The following ZBTB20 variants were observed in gnomAD, a reference collection of about 807,000 sequenced individuals.
ZBTB20 encodes the protein zinc finger and BTB domain-containing protein 20.
ZBTB20 carries 9 observed loss-of-function variants against 56.9 expected under a neutral mutation model. That is an observed-to-expected ratio of 0.16 (90% confidence interval 0.10 to 0.28). The LOEUF (loss-of-function observed/expected upper bound fraction) is 0.28, where lower values mean the gene tolerates loss of function less well. Among genes scored for constraint, ZBTB20 ranks in the 10% least tolerant of loss-of-function variants. ZBTB20 has a pLI of 1.00. For synonymous variants in ZBTB20, 417 were observed against 420.7 expected (o/e 0.99, Z 0.11); for missense variants, 655 against 1,003.0 (o/e 0.65, Z 4.69).
At chr3:114,564,309 TACTC>T (rs2052458490) in intron 6 of ZBTB20, among the ~76,000 whole-genome samples, 1 of 152,084 alleles carries the variant, frequency 6.6e-6, no homozygotes, top group Non-Finnish European at 1.5e-5. Flanking sequence ...TAAGGCAACA[TACTC>T]ACAGGTTCTG....
At chr3:115,026,634 A>G (rs1043035544) in intron 2 of ZBTB20, among the ~76,000 whole-genome samples, 1 of 150,148 alleles carries the variant, frequency 6.7e-6, no homozygotes, top group Non-Finnish European at 1.5e-5. Context: ...TACAATTATC[A>G]TTTTTCTCTG....
In ZBTB20 at chr3:114,717,857, GCTTC is replaced by G. The variant is rs1306417675; in HGVS notation, c.-342-24286_-342-24283del. On this transcript the variant is annotated intron_variant, in intron 5 of 11. Transcript: ENST00000675478. ...TTGCAACAATTTAACACGGATAACC[GCTTC>G]TTTTCCTCCTCGAAACTGTAATATC... is the stretch of plus-strand genomic sequence containing the variant. Among the ~76,000 whole-genome samples, 287 of 152,118 alleles carry G rather than the reference GCTTC, an allele frequency of 1.9e-3. 2 individuals are homozygous for G. Among genetic ancestry groups the G allele is most frequent in the African/African-American group, 6.2e-3 (256 of 41,514 alleles).
intron 5 of ZBTB20, among the ~76,000 whole-genome samples, chr3:114,776,290 T>C (rs943972936): frequency 6.6e-6 from 1 of 152,006 alleles, no homozygotes; most frequent in African/African-American, 2.4e-5. Context: ...GCAGGTATAA[T>C]TAAATTAAGA....
intron 10 of ZBTB20, among the ~76,000 whole-genome samples, chr3:114,369,402 T>C (rs956619417): frequency 6.6e-6 from 1 of 152,236 alleles, no homozygotes; most frequent in African/African-American, 2.4e-5. Context: ...ACATCAACTA[T>C]AAATTCATTT....
Position 114,333,340 on chromosome 3 carries a change from A to G in ZBTB20, c.*5665T>C, listed in dbSNP as rs939404200. 3.9e-5 allele frequency: 6 copies of G among 152,208 alleles called. No homozygotes were observed. The highest frequency in any genetic ancestry group is 3.3e-4 in the Admixed American group (5 of 15,280). 9.4% of individuals were successfully genotyped at this position (152,208 alleles called of 1,614,324 possible). ...TTCCGTGCCCCTTTTCTGCCTCTGTATGTAGCCTGAGCACCAGGGTAGAGA... is the reference window on the plus strand; with the variant it reads ...TTCCGTGCCCCTTTTCTGCCTCTGTGTGTAGCCTGAGCACCAGGGTAGAGA... On this transcript the variant is annotated 3_prime_UTR_variant, in exon 12 of 12. Transcript: ENST00000675478.
At chr3:115,084,615 TAAGA>T (rs1275332485) in intron 1 of ZBTB20, among the ~76,000 whole-genome samples, 2 of 152,026 alleles carry the variant, frequency 1.3e-5, no homozygotes, top group Admixed American at 6.6e-5. Context: ...TACTTTGCAT[TAAGA>T]TAGATCCCTA....
chr3:114,673,712 T>C (rs906416877), intron 6 of ZBTB20, among the ~76,000 whole-genome samples: 34 of 152,196 alleles, frequency 2.2e-4, no homozygotes, highest in African/African-American at 8.0e-4. Flanking sequence ...CCTGAGGTTT[T>C]GTACACTTTG....
intron 7 of ZBTB20, among the ~76,000 whole-genome samples, chr3:114,474,733 G>A (rs2040545727): frequency 6.6e-6 from 1 of 152,210 alleles, no homozygotes; most frequent in South Asian, 2.1e-4. Flanking sequence ...GATGTGTTTG[G>A]TGTCTTCCTC....
At chr3:114,855,782 C>T (rs1313883527) in intron 4 of ZBTB20, among the ~76,000 whole-genome samples, 1 of 152,162 alleles carries the variant, frequency 6.6e-6, no homozygotes, top group Non-Finnish European at 1.5e-5. Flanking sequence ...CCTCCTTAGC[C>T]AAATGAACCT....
chr3:114,960,805 C>G (rs964870248), intron 3 of ZBTB20, among the ~76,000 whole-genome samples: 1 of 151,858 alleles, frequency 6.6e-6, no homozygotes, highest in African/African-American at 2.4e-5. Flanking sequence ...GAAAAAAATG[C>G]CTGCAAAGGA....
chr3:115,127,372 T>C (rs2084363099), intron 1 of ZBTB20, among the ~76,000 whole-genome samples: 1 of 152,130 alleles, frequency 6.6e-6, no homozygotes, highest in Non-Finnish European at 1.5e-5. Flanking sequence ...GGCAGATCAC[T>C]TGAGGTTAAG....
chr3:114,980,526 T>C (rs1219274986), intron 2 of ZBTB20, among the ~76,000 whole-genome samples: 1 of 151,876 alleles, frequency 6.6e-6, no homozygotes, highest in Admixed American at 6.6e-5. Flanking sequence ...ATTTCACAGG[T>C]CAGTAAAATT....
chr3:114,892,893 G>A (rs190777144), intron 4 of ZBTB20, among the ~76,000 whole-genome samples: 68 of 152,284 alleles, frequency 4.5e-4, no homozygotes, highest in African/African-American at 1.6e-3. Flanking sequence ...GAGAAAAGAT[G>A]GGGGAATGCG....
chr3:114,704,782 G>A (rs186846179), intron 5 of ZBTB20, among the ~76,000 whole-genome samples: 1 of 152,292 alleles, frequency 6.6e-6, no homozygotes, highest in Non-Finnish European at 1.5e-5. Flanking sequence ...TCTGGAGGCA[G>A]AGCTGGAAGT....
At chr3:114,389,335 A>G (rs1638499363) in intron 7 of ZBTB20, among the ~76,000 whole-genome samples, 1 of 152,122 alleles carries the variant, frequency 6.6e-6, no homozygotes, top group South Asian at 2.1e-4. Flanking sequence ...TGGGACATCA[A>G]CAGTACCCTG....
chr3:114,755,117 G>A (rs890506124), intron 5 of ZBTB20, among the ~76,000 whole-genome samples: 17 of 152,146 alleles, frequency 1.1e-4, no homozygotes, highest in Non-Finnish European at 2.2e-4. Context: ...AGATAATCCT[G>A]ATATAGGTAA....
intron 1 of ZBTB20, among the ~76,000 whole-genome samples, chr3:115,092,819 A>G (rs1349309403): frequency 6.6e-6 from 1 of 152,150 alleles, no homozygotes; most frequent in African/African-American, 2.4e-5. Context: ...AACAGACTCA[A>G]TAATACATTA....
chr3:114,831,018 A>C (rs1378505358), intron 4 of ZBTB20, among the ~76,000 whole-genome samples: 1 of 148,926 alleles, frequency 6.7e-6, no homozygotes, highest in Non-Finnish European at 1.5e-5. Context: ...ACTTTGCTCT[A>C]CAGTCATTGA....
At chr3:114,451,165 G>A (rs1056267631) in intron 7 of ZBTB20, among the ~76,000 whole-genome samples, 1 of 143,496 alleles carries the variant, frequency 7.0e-6, no homozygotes, top group Non-Finnish European at 1.5e-5. Context: ...CAGACACATC[G>A]TTCACTATCT....
Sources: gnomAD v4.1 joint callset for allele counts (sites outside exome capture counted in the v4.1 genomes callset) on GRCh38, gnomAD v4.1.1 for gene constraint, MANE v1.5 for transcripts, NCBI Gene and HGNC (gene_info 2026-07-23, HGNC 2026-07-21) for gene names.